The following MEGF11 variants were observed in gnomAD, a reference collection of about 807,000 sequenced individuals.
The protein encoded by MEGF11 is multiple EGF like domains 11.
MEGF11 carries 126 observed loss-of-function variants against 146.6 expected under a neutral mutation model. That is an observed-to-expected ratio of 0.86 (90% confidence interval 0.74 to 1.00). The LOEUF (loss-of-function observed/expected upper bound fraction) is 1.00, where lower values mean the gene tolerates loss of function less well. Among genes scored for constraint, MEGF11 ranks in the 50% least tolerant of loss-of-function variants. The pLI is 0.00. For synonymous variants in MEGF11, 532 were observed against 583.4 expected (o/e 0.91, Z 1.27); for missense variants, 1,509 against 1,521.2 (o/e 0.99, Z 0.13).
At chr15:66,252,940 TG>T (rs1303659180) in intron 1 of MEGF11, among the ~76,000 whole-genome samples, 12 of 152,272 alleles carry the variant, frequency 7.9e-5, no homozygotes, top group African/African-American at 2.9e-4. Flanking sequence ...AGGATCGTCC[TG>T]GGAGCCAACC....
intron 4 of MEGF11, among the ~76,000 whole-genome samples, chr15:66,118,208 T>C (rs986628925): frequency 1.3e-5 from 2 of 152,092 alleles, no homozygotes; most frequent in Non-Finnish European, 2.9e-5. Context: ...CACTGGAAAG[T>C]CCACTGGCCC....
At chr15:66,200,161 T>C (rs1468828029) in intron 1 of MEGF11, among the ~76,000 whole-genome samples, 1 of 152,242 alleles carries the variant, frequency 6.6e-6, no homozygotes, top group African/African-American at 2.4e-5. Context: ...CCTCCTTCAA[T>C]GGTTCAACAA....
intron 13 of MEGF11, among the ~76,000 whole-genome samples, chr15:65,926,203 G>T (rs1289103284): frequency 6.6e-6 from 1 of 152,236 alleles, no homozygotes; most frequent in Non-Finnish European, 1.5e-5. Flanking sequence ...AATGCTAGTT[G>T]ATTGAATAAA....
chr15:66,044,778 A>G (rs1208874807), intron 5 of MEGF11, among the ~76,000 whole-genome samples: 7 of 145,814 alleles, frequency 4.8e-5, no homozygotes, highest in Admixed American at 4.1e-4. Context: ...GCTTGAGCCC[A>G]GGAGTTGGAG....
chr15:66,235,414 A>C (rs1597167655), intron 1 of MEGF11, among the ~76,000 whole-genome samples: 1 of 151,956 alleles, frequency 6.6e-6, no homozygotes, highest in African/African-American at 2.4e-5. Context: ...AGATGAGGGG[A>C]CTGCTTGAGC....
intron 1 of MEGF11, among the ~76,000 whole-genome samples, chr15:66,132,270 C>T (rs1053519236): frequency 7.9e-5 from 12 of 152,238 alleles, no homozygotes; most frequent in African/African-American, 2.9e-4. Flanking sequence ...TAGTTGCTCA[C>T]ATTATCCAAG....
At chr15:65,998,843 G>A (rs1267397175) in intron 5 of MEGF11, among the ~76,000 whole-genome samples, 1 of 152,190 alleles carries the variant, frequency 6.6e-6, no homozygotes, top group Non-Finnish European at 1.5e-5. Context: ...GTGGCCCACA[G>A]CAGCAGGAGG....
chr15:65,919,935 CAAAA>C (rs2079123119), intron 15 of MEGF11, among the ~76,000 whole-genome samples: 1 of 152,066 alleles, frequency 6.6e-6, no homozygotes, highest in South Asian at 2.1e-4. Flanking sequence ...CAAAACAAAA[CAAAA>C]AACAACAAGC....
At chr15:65,954,714 G>A (rs184213407) in intron 10 of MEGF11, among the ~76,000 whole-genome samples, 7 of 152,364 alleles carry the variant, frequency 4.6e-5, no homozygotes, top group Admixed American at 2.0e-4. Context: ...TGCATCTCAG[G>A]TGCAAGGAAG....
At chr15:66,028,185 G>A (rs1433449389) in intron 5 of MEGF11, among the ~76,000 whole-genome samples, 3 of 152,196 alleles carry the variant, frequency 2.0e-5, no homozygotes, top group African/African-American at 7.2e-5. Context: ...TGGACTGCAA[G>A]CTTGAGGACT....
chr15:65,929,907 C>T (rs746681035), intron 11 of MEGF11, 24 bp from the exon 12 acceptor site: 53 of 1,583,510 alleles, frequency 3.3e-5, no homozygotes, highest in Non-Finnish European at 4.4e-5. Flanking sequence ...AAGGGACTGT[C>T]ACTTCTCCAT....
At chr15:65,940,233 A>G (rs892300475) in intron 10 of MEGF11, among the ~76,000 whole-genome samples, 2 of 152,202 alleles carry the variant, frequency 1.3e-5, no homozygotes, top group Non-Finnish European at 1.5e-5. Context: ...CGGAGCTACT[A>G]ATGGGGACTG....
intron 1 of MEGF11, among the ~76,000 whole-genome samples, chr15:66,215,538 A>T (rs2091562107): frequency 6.6e-6 from 1 of 152,220 alleles, no homozygotes; most frequent in Non-Finnish European, 1.5e-5. Context: ...TATCATACAG[A>T]CAAATAAAGT....
At chr15:65,956,685 T>C (rs557574787) in intron 10 of MEGF11, among the ~76,000 whole-genome samples, 96 of 152,344 alleles carry the variant, frequency 6.3e-4, no homozygotes, top group African/African-American at 2.1e-3. Context: ...AGGATTCCAC[T>C]TCCAATGTCA....
chr15:66,096,979 C>A (rs113336225), intron 4 of MEGF11, among the ~76,000 whole-genome samples: 28 of 152,290 alleles, frequency 1.8e-4, no homozygotes, highest in African/African-American at 6.7e-4. Flanking sequence ...AGCCCCTAGA[C>A]CCTGGTAAGG....
At chr15:66,010,338 G>GCA (rs2082674207) in intron 5 of MEGF11, among the ~76,000 whole-genome samples, 1 of 151,862 alleles carries the variant, frequency 6.6e-6, no homozygotes, top group Non-Finnish European at 1.5e-5. Context: ...GATTACAGAT[G>GCA]TGCACCACCA....
chr15:65,946,925 G>T (rs571011424), intron 10 of MEGF11, among the ~76,000 whole-genome samples: 2 of 152,302 alleles, frequency 1.3e-5, no homozygotes, highest in African/African-American at 2.4e-5. Context: ...TGGCCAGGGA[G>T]CCCCTGACTG....
At chr15:66,182,219 G>A (rs1397038088) in intron 1 of MEGF11, among the ~76,000 whole-genome samples, 1 of 152,056 alleles carries the variant, frequency 6.6e-6, no homozygotes, top group Admixed American at 6.6e-5. Context: ...CCCCTCCACG[G>A]GCCTGCTCCC....
chr15:66,169,298 TC>T (rs981691811), intron 1 of MEGF11, among the ~76,000 whole-genome samples: 5 of 152,172 alleles, frequency 3.3e-5, no homozygotes, highest in Non-Finnish European at 7.4e-5. Context: ...CCACCTGATC[TC>T]CCTGGCTTCA....
Sources: allele counts gnomAD v4.1 joint callset (sites outside exome capture counted in the v4.1 genomes callset), GRCh38; gene constraint gnomAD v4.1.1; transcripts MANE v1.5; gene names NCBI Gene and HGNC (gene_info 2026-07-23, HGNC 2026-07-21).